ACADSB: variants seen among roughly 807,000 people sequenced by gnomAD.
ACADSB encodes the protein short/branched chain specific acyl-CoA dehydrogenase, mitochondrial.
In ACADSB, 40 loss-of-function variants were observed where a neutral mutation model predicts 54.1. The ratio of observed to expected loss-of-function variants is 0.74; its 90% CI spans 0.57 to 0.96. The LOEUF (loss-of-function observed/expected upper bound fraction) is 0.96. ACADSB is among the 40% of genes least tolerant of loss of function. The probability of loss-of-function intolerance (pLI) is 0.00; values close to 1 mark genes in which losing one functional copy is unlikely to be tolerated. For missense variants in ACADSB, 530 were observed against 510.4 expected (o/e 1.04, Z -0.37); for synonymous variants, 182 against 182.8 (o/e 1.00, Z 0.03).
At chr10:123,014,492 G>A (rs922859768) in intron 1 of ACADSB, among the ~76,000 whole-genome samples, 1 of 152,182 alleles carries the variant, frequency 6.6e-6, no homozygotes, top group Non-Finnish European at 1.5e-5. Flanking sequence ...GAGCCACTGT[G>A]CCTGGACAAC....
At chr10:123,028,092 G>C (rs915377047) in intron 1 of ACADSB, among the ~76,000 whole-genome samples, 2 of 152,076 alleles carry the variant, frequency 1.3e-5, no homozygotes, top group Non-Finnish European at 2.9e-5. Context: ...CCAGTTTTAT[G>C]TAACCTGAGG....
chr10:123,035,233 G>A (rs1850383213), intron 2 of ACADSB, among the ~76,000 whole-genome samples: 1 of 152,056 alleles, frequency 6.6e-6, no homozygotes, highest in Non-Finnish European at 1.5e-5. Context: ...TGGGATTACA[G>A]GCGTGAGCCA....
rs1294675129 is a variant in ACADSB, at chr10:123,040,623, G to A, written c.461G>A (p.Gly154Glu). The A allele has an allele frequency of 1.2e-6, 2 of 1,614,036 alleles. No individual in the cohort carries two copies. Among genetic ancestry groups the A allele is most frequent in the East Asian group, 2.2e-5 (1 of 44,858 alleles). ...TLINTLIRKH[G>E]TEEQKATYLP... Reference sequence around the variant, plus strand: ...ATTAACACACTGATTAGAAAACATGGAACAGAAGAACAAAAGGCCACCTAT... The same window carrying A: ...ATTAACACACTGATTAGAAAACATGAAACAGAAGAACAAAAGGCCACCTAT... Residue 154 changes from glycine (G) to glutamate (E), a missense_variant, in exon 4 of 11, where the codon GGA becomes GAA. Transcript: ENST00000358776.
Position 123,050,651 on chromosome 10 carries a change from T to A in ACADSB, c.991-398T>A, listed in dbSNP as rs563512370. Among the ~76,000 whole-genome samples, 78 of 152,304 alleles carry A rather than the reference T, an allele frequency of 5.1e-4. 1 individual carries two copies. The highest frequency in any genetic ancestry group is 1.8e-3 in the African/African-American group (75 of 41,560). On this transcript the variant is annotated intron_variant, in intron 8 of 10. Coordinates refer to ENST00000358776, the MANE Select transcript of ACADSB (RefSeq NM_001609.4). The stretch of plus-strand genomic sequence containing the variant: ...CTGGAAGCCATATGAAAAATCAAAA[T>A]TTTCTTAACTCAAGCAAATAAAGAA...
At chr10:123,046,706 A>G (rs1850564688) in intron 7 of ACADSB, among the ~76,000 whole-genome samples, 1 of 152,224 alleles carries the variant, frequency 6.6e-6, no homozygotes. Context: ...CTTATGTTCT[A>G]ATGCCCTCCC....
In ACADSB at chr10:123,053,864, C is replaced by T; in HGVS notation, c.*99C>T. 9.2e-7 allele frequency: 1 copy of T among 1,091,122 alleles called. No individual in the cohort carries two copies. Among genetic ancestry groups the T allele is most frequent in the South Asian group, 1.3e-5 (1 of 79,620 alleles). 67.6% of individuals were successfully genotyped at this position (1,091,122 alleles called of 1,614,324 possible). On this transcript the variant is annotated 3_prime_UTR_variant, in exon 11 of 11. Coordinates refer to ENST00000358776, the MANE Select transcript of ACADSB (RefSeq NM_001609.4). ...AGTGCCTTGCGTGGGAATAAACTTC[C>T]ACAGCATTCGAATATTTTAATGAAG... is the stretch of plus-strand genomic sequence containing the variant.
At chr10:123,014,447 G>C (rs533187974) in intron 1 of ACADSB, among the ~76,000 whole-genome samples, 1 of 152,170 alleles carries the variant, frequency 6.6e-6, no homozygotes, top group African/African-American at 2.4e-5. Context: ...TGATCCTCCC[G>C]CCTTGGCCTC....
intron 9 of ACADSB, 103 bp downstream of exon 9, chr10:123,051,289 T>A (rs1238275908): frequency 1.5e-6 from 2 of 1,343,850 alleles, no homozygotes; most frequent in Non-Finnish European, 2.0e-6. Flanking sequence ...GATTGTACTT[T>A]GGTTGTTTTT....
At chr10:123,034,587 C>T in intron 2 of ACADSB, 72 bp downstream of exon 2, 1 of 1,513,252 alleles carries the variant, frequency 6.6e-7, no homozygotes, top group East Asian at 2.3e-5. Context: ...GCAATCATGG[C>T]TCACTGCAGC....
At chr10:123,034,537 A>G (rs750459165) in intron 2 of ACADSB, 22 bp downstream of exon 2, 3 of 1,599,290 alleles carry the variant, frequency 1.9e-6, no homozygotes, top group African/African-American at 2.7e-5. Context: ...TATCAGTGTC[A>G]CCTTTTTCTC....
At chr10:123,013,580 C>T (rs1015836931) in intron 1 of ACADSB, among the ~76,000 whole-genome samples, 3 of 152,232 alleles carry the variant, frequency 2.0e-5, no homozygotes, top group East Asian at 1.9e-4. Context: ...AGGCTCAGGC[C>T]GTGCAGGAGC....
Position 123,041,527 on chromosome 10 carries a change from T to A in ACADSB, c.681+148T>A, listed in dbSNP as rs113021553. The A allele has an allele frequency of 8.5e-4, 668 of 790,500 alleles. 6 individuals are homozygous for A. In the African/African-American group the frequency reaches 0.01, roughly 12 times the overall value. 49.0% of individuals were successfully genotyped at this position (790,500 alleles called of 1,614,324 possible). On this transcript the variant is annotated intron_variant, in intron 5 of 10. Coordinates refer to ENST00000358776, the MANE Select transcript of ACADSB (RefSeq NM_001609.4). The stretch of plus-strand genomic sequence containing the variant: ...AAAATGTCAGACTTGAGCTGGCATT[T>A]TTTCACTTCGTTAATCTCCTAAAGT...
At position 123,053,952 on chromosome 10, in the gene ACADSB, G is replaced by A. The variant is rs1288454315; in HGVS notation, c.*187G>A. ...TCTCTTTTCAGGCTGTTTAACTTAGGCACAGGAGATCCACTTTTAAACTTG... is the reference window on the plus strand; with the variant it reads ...TCTCTTTTCAGGCTGTTTAACTTAGACACAGGAGATCCACTTTTAAACTTG... On this transcript the variant is annotated 3_prime_UTR_variant, in exon 11 of 11. Transcript: ENST00000358776. 1.6e-6 allele frequency: 1 copy of A among 629,582 alleles called. No homozygotes were observed. Among genetic ancestry groups the A allele is most frequent in the South Asian group, 1.9e-5 (1 of 52,728 alleles). The allele number at this position is 629,582 out of a possible 1,614,324, so 39.0% of individuals were successfully genotyped here.
chr10:123,031,822 T>C (rs1850331224), intron 1 of ACADSB, among the ~76,000 whole-genome samples: 1 of 152,220 alleles, frequency 6.6e-6, no homozygotes, highest in South Asian at 2.1e-4. Context: ...TTATTGTGTC[T>C]ATGAATCTAA....
At chr10:123,016,672 G>A (rs1296648643) in intron 1 of ACADSB, among the ~76,000 whole-genome samples, 1 of 152,194 alleles carries the variant, frequency 6.6e-6, no homozygotes, top group East Asian at 1.9e-4. Context: ...AAACAGGAGT[G>A]GACAAGTCAG....
intron 1 of ACADSB, among the ~76,000 whole-genome samples, chr10:123,029,333 A>C (rs1405010274): frequency 1.3e-5 from 2 of 151,910 alleles, no homozygotes; most frequent in African/African-American, 4.8e-5. Context: ...GTGATAAAGC[A>C]AGATTCTGTC....
intron 3 of ACADSB, among the ~76,000 whole-genome samples, chr10:123,039,614 A>G (rs1054627333): frequency 2.0e-5 from 3 of 152,216 alleles, no homozygotes; most frequent in African/African-American, 7.2e-5. Context: ...CGTAAAAGGA[A>G]TGGTCATTCA....
At chr10:123,033,499 G>A (rs1178990551) in intron 1 of ACADSB, among the ~76,000 whole-genome samples, 2 of 152,198 alleles carry the variant, frequency 1.3e-5, no homozygotes, top group Non-Finnish European at 2.9e-5. Flanking sequence ...GGCAAGCAAT[G>A]ATGGCTGGCA....
Position 123,052,616 on chromosome 10 carries a change from A to AT in ACADSB, c.1129-443dup, listed in dbSNP as rs1470561341. The AT allele has an allele frequency of 4.1e-6, 1 of 241,856 alleles. No homozygotes were observed. 15.0% of individuals were successfully genotyped at this position (241,856 alleles called of 1,614,324 possible). A position where few individuals can be genotyped will look rare whatever the true frequency, so the allele number is the denominator to read the frequency against. On this transcript the variant is annotated intron_variant, in intron 9 of 10. Coordinates refer to ENST00000358776, the MANE Select transcript of ACADSB (RefSeq NM_001609.4). This position sits in a 1 kb window ranked among gnomAD's most constrained non-coding sequence, Gnocchi z 4.2. ...AGGATGTGGACGTCCTTGAGGGGCC[A>AT]TTCTGCAGGGTCTCTCGCTCCTCCA...
Sources: allele counts gnomAD v4.1 joint callset (sites outside exome capture counted in the v4.1 genomes callset), GRCh38; gene constraint gnomAD v4.1.1; non-coding constraint Gnocchi (gnomAD v3.1); transcripts MANE v1.5; gene names NCBI Gene and HGNC (gene_info 2026-07-23, HGNC 2026-07-21).